Variants in MED26 observed in about 807,000 individuals in gnomAD.
MED26 encodes mediator complex subunit 26, also known as mediator of RNA polymerase II transcription subunit 26.
MED26 carries 7 observed loss-of-function variants against 43.7 expected under a neutral mutation model. The observed-to-expected ratio is 0.16, with a 90% confidence interval of 0.09 to 0.30. The LOEUF (loss-of-function observed/expected upper bound fraction) is 0.30. MED26 is among the 10% of genes least tolerant of loss of function. The pLI, the probability that MED26 is intolerant of heterozygous loss-of-function variation, is 1.00. For missense variants in MED26, 784 were observed against 840.6 expected (o/e 0.93, Z 0.83); for synonymous variants, 375 against 371.1 (o/e 1.01, Z -0.12).
chr19:16,591,172 G>C (rs1301039505), intron 1 of MED26, among the ~76,000 whole-genome samples: 1 of 152,184 alleles, frequency 6.6e-6, no homozygotes, highest in African/African-American at 2.4e-5. Flanking sequence ...CAGGCAGAGA[G>C]AAGGACTGCT....
At chr19:16,592,168 C>CT (rs2086100785) in intron 1 of MED26, among the ~76,000 whole-genome samples, 3 of 152,242 alleles carry the variant, frequency 2.0e-5, no homozygotes, top group Admixed American at 2.0e-4. Flanking sequence ...GGTAACACTC[C>CT]TGGCACCACC....
At position 16,576,356 on chromosome 19, in the gene MED26, G is replaced by A. The variant is rs754302632; in HGVS notation, c.1474C>T (p.Arg492Trp). Residue 492 changes from arginine (R) to tryptophan (W), a missense_variant, in exon 3 of 3, where the codon CGG becomes TGG. Arg to Trp is a moderately radical substitution (Grantham distance 101, BLOSUM62 -3). Transcript: ENST00000263390. This position sits in a 1 kb window ranked among gnomAD's most constrained non-coding sequence, Gnocchi z 6.8. ...GATGATGAGAGCAGGCTGCTCTGCC[G>A]GCTCAGGTAGGACTGGATGATCTCG... ...RNEIIQSYLSRQSSLLSSSGA... is the reference protein window; with the variant it reads ...RNEIIQSYLSWQSSLLSSSGA... The A allele has an allele frequency of 6.2e-6, 10 of 1,613,958 alleles. No homozygotes were observed. The highest frequency in any genetic ancestry group is 4.0e-5 in the African/African-American group (3 of 74,902).
At chr19:16,581,118 G>C (rs1242517833) in intron 1 of MED26, among the ~76,000 whole-genome samples, 1 of 152,190 alleles carries the variant, frequency 6.6e-6, no homozygotes, top group Non-Finnish European at 1.5e-5. Flanking sequence ...TAAAGTTGCA[G>C]AGCCACGACA....
chr19:16,613,466 C>G (rs2086208918), intron 1 of MED26, among the ~76,000 whole-genome samples: 1 of 152,128 alleles, frequency 6.6e-6, no homozygotes, highest in Non-Finnish European at 1.5e-5. Context: ...CAGGCACAAA[C>G]TCCCCCACTT....
intron 1 of MED26, among the ~76,000 whole-genome samples, chr19:16,605,956 T>C (rs2086170805): frequency 6.6e-6 from 1 of 152,238 alleles, no homozygotes. Context: ...CGGATATTCG[T>C]GCATGGCAAA....
rs544687033 is a variant in MED26, at chr19:16,622,563, G to C, written c.72+5309C>G. Among the ~76,000 whole-genome samples, 8 of 152,316 alleles carry C rather than the reference G, an allele frequency of 5.3e-5. No individual in the cohort carries two copies. In the South Asian group the frequency reaches 1.7e-3, roughly 32 times the overall value. ...ATGGCAAATCCACACCCTGCTCTAA[G>C]AGTGAAAAGCGGCTGTTTTGGAAGG... On this transcript the variant is annotated intron_variant, in intron 1 of 2. Transcript: ENST00000263390.
intron 1 of MED26, among the ~76,000 whole-genome samples, chr19:16,582,785 C>T (rs2086052273): frequency 6.6e-6 from 1 of 152,192 alleles, no homozygotes; most frequent in African/African-American, 2.4e-5. Flanking sequence ...GGCTGGAGAC[C>T]GACTTCCATG....
chr19:16,590,595 T>A (rs2086091207), intron 1 of MED26, among the ~76,000 whole-genome samples: 1 of 152,228 alleles, frequency 6.6e-6, no homozygotes, highest in South Asian at 2.1e-4. Flanking sequence ...CATTTTCAAA[T>A]GTTATCTGCC....
intron 1 of MED26, among the ~76,000 whole-genome samples, chr19:16,596,833 C>T (rs941443137): frequency 6.6e-6 from 1 of 152,186 alleles, no homozygotes; most frequent in Admixed American, 6.5e-5. Context: ...ACAGCCTAGC[C>T]ACTTCCCATC....
rs760423856 is a variant in MED26, at chr19:16,586,727, G to A, written c.73-8318C>T. Among the ~76,000 whole-genome samples, 9 of 152,170 alleles carry A rather than the reference G, an allele frequency of 5.9e-5. No individual in the cohort carries two copies. The highest frequency in any genetic ancestry group is 9.7e-5 in the African/African-American group (4 of 41,426). On this transcript the variant is annotated intron_variant, in intron 1 of 2. Transcript: ENST00000263390. This position sits in a 1 kb window ranked among gnomAD's most constrained non-coding sequence, Gnocchi z 5.1. ...TCTGCACTCCCCCACCTCGGTGTCC[G>A]GCCAGCCTTCCTGACCACCCTGGAC...
chr19:16,595,254 C>T (rs994135340), intron 1 of MED26, among the ~76,000 whole-genome samples: 1 of 152,202 alleles, frequency 6.6e-6, no homozygotes, highest in African/African-American at 2.4e-5. Flanking sequence ...GTGCGCACCT[C>T]TTTCCAGCTC....
At chr19:16,591,932 C>A (rs999571089) in intron 1 of MED26, among the ~76,000 whole-genome samples, 2 of 152,160 alleles carry the variant, frequency 1.3e-5, no homozygotes, top group Non-Finnish European at 2.9e-5. Context: ...GCCTAGGGGT[C>A]AACAGCACGG....
chr19:16,594,329 A>G (rs1256029123), intron 1 of MED26, among the ~76,000 whole-genome samples: 1 of 152,236 alleles, frequency 6.6e-6, no homozygotes, highest in Admixed American at 6.5e-5. Context: ...CTCTGGGGAA[A>G]GCCCAGCCAC....
chr19:16,580,729 G>A (rs546003343), intron 1 of MED26, among the ~76,000 whole-genome samples: 15 of 152,102 alleles, frequency 9.9e-5, no homozygotes, highest in African/African-American at 2.7e-4. Context: ...GTTGTCATCC[G>A]AAGCCATTCC....
intron 1 of MED26, among the ~76,000 whole-genome samples, chr19:16,600,154 C>G (rs1006051852): frequency 6.6e-6 from 1 of 151,992 alleles, no homozygotes; most frequent in Admixed American, 6.5e-5. Context: ...CTCCCTAGGT[C>G]CCCCCTCATC....
At chr19:16,582,466 G>A (rs1280063413) in intron 1 of MED26, among the ~76,000 whole-genome samples, 1 of 152,260 alleles carries the variant, frequency 6.6e-6, no homozygotes, top group Non-Finnish European at 1.5e-5. Flanking sequence ...CCCAATTGGT[G>A]CTGGTCCCAT....
intron 1 of MED26, among the ~76,000 whole-genome samples, chr19:16,591,573 C>T (rs1246526697): frequency 6.6e-6 from 1 of 152,182 alleles, no homozygotes. Context: ...CAAGGCTGAA[C>T]TTACACACAC....
intron 1 of MED26, among the ~76,000 whole-genome samples, chr19:16,583,794 G>A (rs779508926): frequency 9.9e-5 from 15 of 152,182 alleles, no homozygotes; most frequent in Non-Finnish European, 1.5e-4. Flanking sequence ...GTACACATGG[G>A]CCAATAGGAA....
At chr19:16,597,380 C>CT in intron 1 of MED26, 1 of 398,674 alleles carries the variant, frequency 2.5e-6, no homozygotes. Flanking sequence ...GACATTCCCA[C>CT]TTTCCTAGTT....
Sources: allele counts gnomAD v4.1 joint callset (sites outside exome capture counted in the v4.1 genomes callset), GRCh38; gene constraint gnomAD v4.1.1; non-coding constraint Gnocchi (gnomAD v3.1); transcripts MANE v1.5; gene names NCBI Gene and HGNC (gene_info 2026-07-23, HGNC 2026-07-21).